Variants in RELN observed in about 807,000 individuals in gnomAD.
RELN encodes the protein reelin.
A neutral mutation model predicts 427.6 loss-of-function variants in RELN; 108 were observed. The observed-to-expected ratio is 0.25, with a 90% CI of 0.22 to 0.30. The LOEUF (loss-of-function observed/expected upper bound fraction) is 0.30, where lower values mean the gene tolerates loss of function less well. RELN is among the 10% of genes least tolerant of loss of function. The pLI is 1.00. For synonymous variants in RELN, 1,524 were observed against 1,513.4 expected, an observed-to-expected ratio of 1.01 and a Z score of -0.16; for missense variants, 3,715 against 4,302.8, an observed-to-expected ratio of 0.86 and a Z score of 3.82.
chr7:103,773,464 T>TCTCCCTCGCTCCCTCCCTCTCA, intron 4 of RELN, among the ~76,000 whole-genome samples: 1 of 146,338 alleles, frequency 6.8e-6, no homozygotes, highest in Non-Finnish European at 1.5e-5. Context: ...CCTCCCTCTC[T>TCTCCCTCGCTCCCTCCCTCTCA]CTCTCTCTCT....
intron 2 of RELN, among the ~76,000 whole-genome samples, chr7:103,896,232 G>A (rs890941142): frequency 1.2e-4 from 18 of 152,080 alleles, no homozygotes; most frequent in African/African-American, 3.4e-4. Context: ...TGGTGAGTGT[G>A]TTAAAAGGTA....
intron 11 of RELN, among the ~76,000 whole-genome samples, chr7:103,661,902 A>G (rs371004537): frequency 6.6e-6 from 1 of 152,232 alleles, no homozygotes; most frequent in Non-Finnish European, 1.5e-5. Context: ...AGACAGACTC[A>G]TAATATAAAT....
intron 2 of RELN, among the ~76,000 whole-genome samples, chr7:103,849,513 T>C (rs1046079880): frequency 3.3e-5 from 5 of 152,236 alleles, no homozygotes; most frequent in African/African-American, 4.8e-5. Context: ...TTTATAGATG[T>C]AGGTCTAAAT....
intron 3 of RELN, among the ~76,000 whole-genome samples, chr7:103,808,845 A>T (rs1479596940): frequency 6.6e-6 from 1 of 152,186 alleles, no homozygotes; most frequent in Admixed American, 6.6e-5. Context: ...CAGAAAAAAG[A>T]GAAAAGAGAA....
chr7:103,610,268 G>C lies in RELN; in HGVS notation c.3008+427C>G, dbSNP rs1046859397. On this transcript the variant is annotated intron_variant, in intron 22 of 64. Coordinates refer to ENST00000428762, the MANE Select transcript of RELN (RefSeq NM_005045.4). Reference sequence around the variant, plus strand: ...TAGTGTTACTGAAAAAACATGAATAGAGAAAGGGTGTATATTAAGCTTTTG... The same window carrying C: ...TAGTGTTACTGAAAAAACATGAATACAGAAAGGGTGTATATTAAGCTTTTG... Among the ~76,000 whole-genome samples the C allele has an allele frequency of 2.0e-5, 3 of 152,178 alleles. No individual in the cohort carries two copies. The South Asian group carries it at 6.2e-4, about 31-fold the overall frequency.
At chr7:103,838,192 G>C (rs1283389652) in intron 2 of RELN, among the ~76,000 whole-genome samples, 4 of 108,338 alleles carry the variant, frequency 3.7e-5, no homozygotes, top group African/African-American at 1.5e-4. Flanking sequence ...CTGGGCGACA[G>C]AGCGAGACTT....
At chr7:103,713,660 C>CTTTT (rs60124892) in intron 8 of RELN, among the ~76,000 whole-genome samples, 4 of 143,640 alleles carry the variant, frequency 2.8e-5, no homozygotes, top group African/African-American at 1.0e-4. Context: ...GGCATTTATC[C>CTTTT]TTTTTTTTTT....
chr7:103,678,128 G>A (rs1329120655), intron 11 of RELN, among the ~76,000 whole-genome samples: 2 of 151,800 alleles, frequency 1.3e-5, no homozygotes, highest in Non-Finnish European at 2.9e-5. Flanking sequence ...TCTTTAGTAC[G>A]AATATTGTGG....
intron 5 of RELN, among the ~76,000 whole-genome samples, chr7:103,751,979 T>C (rs1791013848): frequency 6.6e-6 from 1 of 152,216 alleles, no homozygotes; most frequent in African/African-American, 2.4e-5. Context: ...AAATCTTCAC[T>C]GACACAAATG....
At chr7:103,895,276 G>A (rs1794934991) in intron 2 of RELN, among the ~76,000 whole-genome samples, 1 of 151,948 alleles carries the variant, frequency 6.6e-6, no homozygotes, top group Non-Finnish European at 1.5e-5. Context: ...AATATACATG[G>A]CGGTTGTTGA....
At chr7:103,708,716 G>C (rs1471013630) in intron 8 of RELN, among the ~76,000 whole-genome samples, 1 of 151,926 alleles carries the variant, frequency 6.6e-6, no homozygotes, top group Non-Finnish European at 1.5e-5. Context: ...GCCCGTCTTG[G>C]CCTCCCAAAG....
Position 103,938,721 on chromosome 7 carries a change from G to A in RELN, c.227-21536C>T, listed in dbSNP as rs965842318. On this transcript the variant is annotated intron_variant, in intron 1 of 64. Transcript: ENST00000428762. ...CTTGAATAAATGAGTCACCACATTA[G>A]GACCTCAGTCATCTGTGAGGAAACA... Among the ~76,000 whole-genome samples the A allele has an allele frequency of 4.6e-5, 7 of 152,114 alleles. No individual in the cohort carries two copies. In the East Asian group the frequency reaches 1.3e-3, roughly 29 times the overall value.
intron 3 of RELN, 95 bp from the exon 4 acceptor site, chr7:103,776,722 T>G: frequency 1.6e-6 from 2 of 1,213,354 alleles, no homozygotes; most frequent in Non-Finnish European, 2.4e-6. Flanking sequence ...TCTTAAACTT[T>G]ATTGTGTGGA....
intron 16 of RELN, among the ~76,000 whole-genome samples, chr7:103,646,903 T>C (rs1275251393): frequency 6.6e-6 from 1 of 151,930 alleles, no homozygotes; most frequent in African/African-American, 2.4e-5. Context: ...CAACAGCACA[T>C]CTAAACAACA....
intron 22 of RELN, among the ~76,000 whole-genome samples, chr7:103,607,758 C>T (rs750090579): frequency 6.6e-6 from 1 of 152,162 alleles, no homozygotes; most frequent in Non-Finnish European, 1.5e-5. Context: ...ATTGTATTTT[C>T]CACCTTCAGA....
At chr7:103,595,664 T>C (rs1459861827) in intron 25 of RELN, among the ~76,000 whole-genome samples, 1 of 152,130 alleles carries the variant, frequency 6.6e-6, no homozygotes, top group Non-Finnish European at 1.5e-5. Flanking sequence ...ACAAGATCCA[T>C]ATATTAAAAC....
At chr7:103,604,536 A>T in intron 22 of RELN, 53 bp from the exon 23 acceptor site, 1 of 1,597,392 alleles carries the variant, frequency 6.3e-7, no homozygotes, top group Non-Finnish European at 8.6e-7. Flanking sequence ...CAGCAGTGAC[A>T]TTGGCAAAGA....
Position 103,522,080 on chromosome 7 carries a change from C to T in RELN, c.7610G>A (p.Gly2537Glu), listed in dbSNP as rs765712159. 1 of 1,614,042 alleles carries T rather than the reference C, an allele frequency of 6.2e-7. No individual in the cohort carries two copies. The stretch of plus-strand genomic sequence containing the variant: ...GGCTCCACACACTGTACTCAATTTC[C>T]CTCCGTTCACAGTCAGCCAGTTCTG... ...SSQNWLTVNG[G>E]KLSTVCGAVA... The change falls in exon 48 of 65, where the codon GGG becomes GAG. Residue 2537 changes from glycine (G) to glutamate (E), a missense_variant. By Grantham distance (98) the Gly-to-Glu change is moderately conservative (BLOSUM62 -2). Around this residue, in one of 4 missense-constraint regions of RELN, gnomAD observed 1,310 missense variants for 1,643.0 expected, o/e 0.80. Coordinates refer to ENST00000428762, the MANE Select transcript of RELN (RefSeq NM_005045.4).
Position 103,515,521 on chromosome 7 carries a change from C to T in RELN, c.7863-80G>A, listed in dbSNP as rs1829544642. ...TCTGAGTAAAAGATTTACAACCAGC[C>T]ATAAGATAATGTATGTCACATGGTG... is the stretch of plus-strand genomic sequence containing the variant. On this transcript the variant is annotated intron_variant, in intron 49 of 64. Coordinates refer to ENST00000428762, the MANE Select transcript of RELN (RefSeq NM_005045.4). 3.2e-6 allele frequency: 5 copies of T among 1,571,646 alleles called. No individual in the cohort carries two copies. The East Asian group carries it at 9.0e-5, about 28-fold the overall frequency.
Sources: gnomAD v4.1 joint callset for allele counts (sites outside exome capture counted in the v4.1 genomes callset) on GRCh38, gnomAD v4.1.1 for gene constraint, gnomAD v4.1.1 regional missense constraint, MANE v1.5 for transcripts, NCBI Gene and HGNC (gene_info 2026-07-23, HGNC 2026-07-21) for gene names.